Variants in KAZN observed in about 807,000 individuals in gnomAD.
KAZN encodes the protein kazrin.
A neutral mutation model predicts 87.4 loss-of-function variants in KAZN; 40 were observed. The observed-to-expected ratio is 0.46, with a 90% CI of 0.36 to 0.60. The LOEUF (loss-of-function observed/expected upper bound fraction) is 0.60. Ranked by LOEUF, KAZN falls within the 20% of genes least tolerant of loss-of-function variation. The probability of loss-of-function intolerance (pLI) is 0.00; values close to 1 mark genes in which losing one functional copy is unlikely to be tolerated. For missense variants in KAZN, 898 were observed against 1,073.9 expected, an observed-to-expected ratio of 0.84 and a Z score of 2.29; for synonymous variants, 466 against 458.3, an observed-to-expected ratio of 1.02 and a Z score of -0.22.
intron 1 of KAZN, among the ~76,000 whole-genome samples, chr1:14,788,789 G>A (rs759403384): frequency 2.6e-5 from 4 of 152,050 alleles, no homozygotes; most frequent in Admixed American, 6.6e-5. Context: ...ACTTGTACAC[G>A]TGGGAGGTCA....
chr1:15,008,224 G>T (rs1019460279), intron 2 of KAZN, among the ~76,000 whole-genome samples: 1 of 152,188 alleles, frequency 6.6e-6, no homozygotes, highest in Non-Finnish European at 1.5e-5. Context: ...TCGGAGTCCA[G>T]GCCTCGGCTG....
intron 2 of KAZN, among the ~76,000 whole-genome samples, chr1:14,426,077 C>T (rs1665711104): frequency 6.6e-6 from 1 of 152,236 alleles, no homozygotes; most frequent in Admixed American, 6.5e-5. Flanking sequence ...CCCCCGGCCT[C>T]CTCTCCTTTC....
intron 2 of KAZN, among the ~76,000 whole-genome samples, chr1:14,349,888 G>A (rs111681459): frequency 0.057 from 8,686 of 152,090 alleles, 447 homozygotes; most frequent in East Asian, 0.19. Flanking sequence ...TGTAATCCCA[G>A]CACTTTGGGA....
chr1:14,517,463 C>A (rs1339823106), intron 2 of KAZN, among the ~76,000 whole-genome samples: 1 of 152,198 alleles, frequency 6.6e-6, no homozygotes, highest in Non-Finnish European at 1.5e-5. Context: ...GTAAAAATCC[C>A]TTGTTCTAAC....
At chr1:14,392,101 T>C (rs1036636203) in intron 2 of KAZN, among the ~76,000 whole-genome samples, 2 of 152,008 alleles carry the variant, frequency 1.3e-5, no homozygotes, top group African/African-American at 2.4e-5. Flanking sequence ...GTGTGAAGAG[T>C]GTAGCCAAGA....
At chr1:14,357,235 G>T (rs1000696164) in intron 2 of KAZN, among the ~76,000 whole-genome samples, 2 of 152,090 alleles carry the variant, frequency 1.3e-5, no homozygotes, top group Non-Finnish European at 2.9e-5. Context: ...TCTGTTATTG[G>T]TGTATAGGAA....
intron 2 of KAZN, among the ~76,000 whole-genome samples, chr1:14,241,363 A>T (rs1223081765): frequency 6.6e-6 from 1 of 152,140 alleles, no homozygotes; most frequent in Non-Finnish European, 1.5e-5. Context: ...AGGGCACTGG[A>T]AGGTCTGACT....
At chr1:14,768,225 CTATT>C (rs1236097354) in intron 1 of KAZN, among the ~76,000 whole-genome samples, 4 of 152,118 alleles carry the variant, frequency 2.6e-5, no homozygotes, top group Non-Finnish European at 4.4e-5. Flanking sequence ...AAAGAGGACT[CTATT>C]TATATGACTA....
At chr1:14,714,935 T>C (rs1642709832) in intron 1 of KAZN, among the ~76,000 whole-genome samples, 1 of 151,656 alleles carries the variant, frequency 6.6e-6, no homozygotes, top group Admixed American at 6.6e-5. Context: ...GCTGGAACTA[T>C]AGGCACACAC....
intron 2 of KAZN, among the ~76,000 whole-genome samples, chr1:14,393,618 C>A (rs559925171): frequency 3.9e-5 from 6 of 152,106 alleles, no homozygotes; most frequent in African/African-American, 1.4e-4. Flanking sequence ...ACAAGTGGCA[C>A]CCTCCCCAGT....
intron 1 of KAZN, among the ~76,000 whole-genome samples, chr1:14,110,905 TTGTG>T (rs1298788147): frequency 3.0e-5 from 4 of 135,462 alleles, no homozygotes; most frequent in Admixed American, 2.9e-4. Flanking sequence ...TAACTTTTGT[TTGTG>T]TGTGTTTTTT....
intron 1 of KAZN, among the ~76,000 whole-genome samples, chr1:14,952,858 A>G (rs1273621279): frequency 1.3e-5 from 2 of 152,164 alleles, no homozygotes; most frequent in Non-Finnish European, 2.9e-5. Flanking sequence ...GCTACATTTG[A>G]CCCTCATGTA....
chr1:14,086,848 T>C (rs978646896), intron 1 of KAZN, among the ~76,000 whole-genome samples: 1 of 152,230 alleles, frequency 6.6e-6, no homozygotes, highest in Non-Finnish European at 1.5e-5. Flanking sequence ...TTGTTGAAAT[T>C]TAATTGACCA....
At chr1:14,526,952 A>G (rs922174277) in intron 2 of KAZN, among the ~76,000 whole-genome samples, 2 of 152,242 alleles carry the variant, frequency 1.3e-5, no homozygotes, top group African/African-American at 2.4e-5. Context: ...TGACAATAGC[A>G]TCTGATTTGC....
chr1:14,923,479 G>A lies in KAZN; in HGVS notation c.227-37205G>A, dbSNP rs1278388883. On this transcript the variant is annotated intron_variant, in intron 1 of 14. Transcript: ENST00000376030. This position sits in a 1 kb window ranked among gnomAD's most constrained non-coding sequence, Gnocchi z 4.2. ...ACCCACTCCCAGGGTCCAGGCTCTG[G>A]CCTCCCCTGCCAATGGCTGCCATAG... Among the ~76,000 whole-genome samples, 1 of 152,138 alleles carries A rather than the reference G, an allele frequency of 6.6e-6. No homozygotes were observed. The highest frequency in any genetic ancestry group is 2.4e-5 in the African/African-American group (1 of 41,428).
intron 2 of KAZN, among the ~76,000 whole-genome samples, chr1:14,523,427 C>G (rs1241129038): frequency 6.6e-6 from 1 of 152,148 alleles, no homozygotes; most frequent in African/African-American, 2.4e-5. Flanking sequence ...CCTCCCAGCT[C>G]GGAGCTTGTG....
chr1:14,649,686 TC>T (rs1182972468), intron 1 of KAZN, among the ~76,000 whole-genome samples: 4 of 152,140 alleles, frequency 2.6e-5, no homozygotes, highest in Non-Finnish European at 4.4e-5. Context: ...TAGGAATGCC[TC>T]CCAGTGTGTG....
At chr1:14,343,042 G>A (rs902446534) in intron 2 of KAZN, among the ~76,000 whole-genome samples, 1 of 152,188 alleles carries the variant, frequency 6.6e-6, no homozygotes, top group Non-Finnish European at 1.5e-5. Flanking sequence ...TCAGGAGGCT[G>A]AGGCAGGAGA....
chr1:14,447,198 G>C (rs184455667), intron 2 of KAZN, among the ~76,000 whole-genome samples: 1 of 140,258 alleles, frequency 7.1e-6, no homozygotes, highest in Admixed American at 7.3e-5. Context: ...GGAACATGGC[G>C]TTTCCACCAC....
Sources: gnomAD v4.1 joint callset for allele counts (sites outside exome capture counted in the v4.1 genomes callset) on GRCh38, gnomAD v4.1.1 for gene constraint, Gnocchi (gnomAD v3.1) non-coding constraint, MANE v1.5 for transcripts, NCBI Gene and HGNC (gene_info 2026-07-23, HGNC 2026-07-21) for gene names.